NEK11: variants seen among roughly 807,000 people sequenced by gnomAD.
The protein encoded by NEK11 is NIMA related kinase 11, also known as serine/threonine-protein kinase Nek11.
Under a neutral mutation model 80.7 loss-of-function variants are expected in NEK11, and 72 were observed. The ratio of observed to expected loss-of-function variants is 0.89; its 90% CI spans 0.74 to 1.08. The LOEUF is 1.08. Among genes scored for constraint, NEK11 ranks in the 50% least tolerant of loss-of-function variants. The probability of loss-of-function intolerance (pLI) is 0.00; values close to 1 mark genes in which losing one functional copy is unlikely to be tolerated. For missense variants in NEK11, 764 were observed against 763.6 expected (o/e 1.00, Z -0.01); for synonymous variants, 251 against 260.7 (o/e 0.96, Z 0.36).
chr3:131,251,784 C>T (rs1307753155), intron 16 of NEK11, among the ~76,000 whole-genome samples: 3 of 152,020 alleles, frequency 2.0e-5, no homozygotes, highest in South Asian at 2.1e-4. Flanking sequence ...TTGTGTGTGA[C>T]CTCTTATGTT....
intron 14 of NEK11, among the ~76,000 whole-genome samples, chr3:131,172,176 C>G (rs944520730): frequency 6.6e-6 from 1 of 152,136 alleles, no homozygotes; most frequent in Non-Finnish European, 1.5e-5. Context: ...AGTAGCCCAT[C>G]GGGAGGCATC....
chr3:131,205,928 C>T (rs1483347694), intron 14 of NEK11, among the ~76,000 whole-genome samples: 1 of 152,166 alleles, frequency 6.6e-6, no homozygotes, highest in Admixed American at 6.5e-5. Flanking sequence ...AGGCTTTAAA[C>T]ATTTTTTAAA....
At chr3:131,101,511 G>T (rs1228672735) in intron 4 of NEK11, among the ~76,000 whole-genome samples, 1 of 152,158 alleles carries the variant, frequency 6.6e-6, no homozygotes, top group South Asian at 2.1e-4. Context: ...GGAGCAAGTT[G>T]TTTAATTTCC....
intron 16 of NEK11, among the ~76,000 whole-genome samples, chr3:131,272,463 C>CTTCTTTTTTTTTTTT (rs2096210843): frequency 4.3e-4 from 19 of 43,900 alleles, no homozygotes; most frequent in African/African-American, 1.6e-3. Flanking sequence ...GTTTTAGCTT[C>CTTCTTTTTTTTTTTT]TTTTTTTTTT....
At chr3:131,039,994 A>G (rs760025689) in intron 3 of NEK11, among the ~76,000 whole-genome samples, 6 of 150,938 alleles carry the variant, frequency 4.0e-5, no homozygotes, top group Admixed American at 2.0e-4. Flanking sequence ...TTGTACATCT[A>G]TGTGGGAAAT....
At chr3:131,267,307 G>C (rs2096077559) in intron 16 of NEK11, among the ~76,000 whole-genome samples, 1 of 152,212 alleles carries the variant, frequency 6.6e-6, no homozygotes, top group African/African-American at 2.4e-5. Flanking sequence ...AATTTAGCAT[G>C]TTTTTGCAGT....
At chr3:131,309,987 T>TA (rs558210123) in intron 17 of NEK11, among the ~76,000 whole-genome samples, 328 of 23,308 alleles carry the variant, frequency 0.014, 83 homozygotes, top group Non-Finnish European at 0.023. Context: ...AGACCATGTT[T>TA]AAAAAAAAAA....
chr3:131,234,859 G>T (rs974903498), intron 15 of NEK11, among the ~76,000 whole-genome samples: 1 of 151,282 alleles, frequency 6.6e-6, no homozygotes, highest in Admixed American at 6.6e-5. Context: ...TTTATTTTAG[G>T]TTCAGGGGGT....
intron 17 of NEK11, among the ~76,000 whole-genome samples, chr3:131,283,065 T>C (rs765685637): frequency 1.6e-4 from 24 of 152,172 alleles, no homozygotes; most frequent in Non-Finnish European, 3.2e-4. Context: ...AAAGAGTTTG[T>C]ATTTCAAGAG....
At position 131,110,683 on chromosome 3, in the gene NEK11, G is replaced by T. The variant is rs530498762; in HGVS notation, c.455+762G>T. 6.6e-5 allele frequency among the ~76,000 whole-genome samples: 10 copies of T among 152,208 alleles called. No individual in the cohort carries two copies. In the South Asian group the frequency reaches 1.9e-3, roughly 28 times the overall value. On this transcript the variant is annotated intron_variant, in intron 5 of 17. Transcript: ENST00000383366. ...GGTCGCTTTCACCTTGGAAGTGGGC[G>T]TTAACACATGGTACCATTCTTCTTG...
At chr3:131,081,709 A>T (rs1228890662) in intron 4 of NEK11, among the ~76,000 whole-genome samples, 3 of 152,198 alleles carry the variant, frequency 2.0e-5, no homozygotes, top group Admixed American at 1.3e-4. Context: ...TATCACTTGG[A>T]TGTTGCTGGA....
chr3:131,061,177 G>A (rs931545386), intron 3 of NEK11, among the ~76,000 whole-genome samples: 6 of 152,150 alleles, frequency 3.9e-5, no homozygotes, highest in African/African-American at 1.4e-4. Context: ...AGTTTGAGTA[G>A]CATTGCCTTA....
At chr3:131,151,412 T>G (rs2089614831) in intron 7 of NEK11, among the ~76,000 whole-genome samples, 1 of 152,064 alleles carries the variant, frequency 6.6e-6, no homozygotes, top group South Asian at 2.1e-4. Flanking sequence ...CAAAATTCTC[T>G]TACAAATGCA....
At chr3:131,323,288 G>T (rs529886314) in intron 17 of NEK11, among the ~76,000 whole-genome samples, 2 of 152,336 alleles carry the variant, frequency 1.3e-5, no homozygotes, top group South Asian at 2.1e-4. Flanking sequence ...ACCACAGCAG[G>T]TGCTAAAGCA....
At chr3:131,072,943 T>G (rs1219294687) in intron 3 of NEK11, among the ~76,000 whole-genome samples, 1 of 152,214 alleles carries the variant, frequency 6.6e-6, no homozygotes, top group Non-Finnish European at 1.5e-5. Flanking sequence ...TAACATGCTC[T>G]GATGCATTTT....
At chr3:131,327,739 T>TA (rs60846974) in intron 17 of NEK11, 12,264 of 124,090 alleles carry the variant, frequency 0.099, 1,046 homozygotes, top group African/African-American at 0.23. Context: ...GCCTGGTGGT[T>TA]AAAAAAAAAA....
At chr3:131,218,937 T>C (rs555325205) in intron 14 of NEK11, among the ~76,000 whole-genome samples, 6 of 152,306 alleles carry the variant, frequency 3.9e-5, no homozygotes, top group Admixed American at 1.3e-4. Context: ...GCTTTTACAC[T>C]GTTGGTGGGA....
At chr3:131,272,463 CTTTTTTTT>C (rs869304359) in intron 16 of NEK11, among the ~76,000 whole-genome samples, 31 of 43,896 alleles carry the variant, frequency 7.1e-4, no homozygotes, top group East Asian at 5.6e-3. Context: ...GTTTTAGCTT[CTTTTTTTT>C]TTTTTTTTTT....
intron 5 of NEK11, among the ~76,000 whole-genome samples, chr3:131,114,370 T>A (rs1446207672): frequency 6.6e-6 from 1 of 152,012 alleles, no homozygotes; most frequent in Non-Finnish European, 1.5e-5. Flanking sequence ...CCGAAGGGAG[T>A]CATGCTGTAT....
Sources: gnomAD v4.1 joint callset for allele counts (sites outside exome capture counted in the v4.1 genomes callset) on GRCh38, gnomAD v4.1.1 for gene constraint, MANE v1.5 for transcripts, NCBI Gene and HGNC (gene_info 2026-07-23, HGNC 2026-07-21) for gene names.